CCM2: variants seen among roughly 807,000 people sequenced by gnomAD.
CCM2 encodes the protein CCM2 scaffold protein, also known as cerebral cavernous malformations 2 protein.
In CCM2, 25 loss-of-function variants were observed where a neutral mutation model predicts 44.9. The observed-to-expected ratio is 0.56, with a 90% CI of 0.41 to 0.78. The LOEUF is 0.78. CCM2 is among the 30% of genes least tolerant of loss of function. The pLI is 0.00. For missense variants in CCM2, 481 were observed against 580.6 expected (o/e 0.83, Z 1.76); for synonymous variants, 219 against 241.1 (o/e 0.91, Z 0.85).
intron 1 of CCM2, among the ~76,000 whole-genome samples, chr7:45,007,904 C>G (rs1292797775): frequency 6.6e-6 from 1 of 151,998 alleles, no homozygotes; most frequent in East Asian, 1.9e-4. Flanking sequence ...ATCTTTATGT[C>G]TATTCTATAG....
chr7:45,000,421 C>A (rs1294362957), intron 1 of CCM2, 58 bp downstream of exon 1: 1 of 210,710 alleles, frequency 4.7e-6, no homozygotes, highest in Non-Finnish European at 7.9e-6. Context: ...GGTTGAGGGG[C>A]CAGGGTGGGG....
intron 2 of CCM2, among the ~76,000 whole-genome samples, chr7:45,049,311 A>G (rs1797895352): frequency 6.6e-6 from 1 of 152,220 alleles, no homozygotes; most frequent in Admixed American, 6.5e-5. Flanking sequence ...TTCAAAATTC[A>G]AATGATAACA....
chr7:45,065,206 A>G lies in CCM2; in HGVS notation c.472+560A>G, dbSNP rs539256414. On this transcript the variant is annotated intron_variant, in intron 4 of 9. Coordinates refer to ENST00000258781, the MANE Select transcript of CCM2 (RefSeq NM_031443.4). Reference sequence around the variant, plus strand: ...CAGAATGTTATTTTTGGCTGTGGTGAGTACAGTGCTGCCTCACTGGACCCA... The same window carrying G: ...CAGAATGTTATTTTTGGCTGTGGTGGGTACAGTGCTGCCTCACTGGACCCA... Among the ~76,000 whole-genome samples, 8 of 152,304 alleles carry G rather than the reference A, an allele frequency of 5.3e-5. No homozygotes were observed. The East Asian group carries it at 1.4e-3, about 26-fold the overall frequency.
At chr7:45,044,258 C>T (rs573591658) in intron 2 of CCM2, among the ~76,000 whole-genome samples, 4 of 152,314 alleles carry the variant, frequency 2.6e-5, no homozygotes, top group African/African-American at 9.6e-5. Flanking sequence ...TTCAGCCTCC[C>T]GAGTGGCTGG....
At position 45,000,236 on chromosome 7, in the gene CCM2, AGCGCGGGG is replaced by A. The variant is rs1327040268; in HGVS notation, c.-94_-87del. 20 of 642,786 alleles carry A rather than the reference AGCGCGGGG, an allele frequency of 3.1e-5. No individual in the cohort carries two copies. Among genetic ancestry groups the A allele is most frequent in the Non-Finnish European group, 3.6e-5 (20 of 548,012 alleles). The allele number at this position is 642,786 out of a possible 1,614,324, so 39.8% of individuals were successfully genotyped here. On this transcript the variant is annotated 5_prime_UTR_variant, in exon 1 of 10. Coordinates refer to ENST00000258781, the MANE Select transcript of CCM2 (RefSeq NM_031443.4). ...GGCCCGGCTGGCGGGCGGCGCCGGG[AGCGCGGGG>A]GCGGCGGGCCCGGGTCGAGCATGTA...
intron 1 of CCM2, among the ~76,000 whole-genome samples, chr7:45,003,096 A>T (rs1053760698): frequency 6.6e-6 from 1 of 151,638 alleles, no homozygotes; most frequent in African/African-American, 2.4e-5. Flanking sequence ...TTTTTTTGAG[A>T]TAGAGTTTCG....
chr7:45,043,166 C>T (rs1797593641), intron 2 of CCM2, among the ~76,000 whole-genome samples: 1 of 151,876 alleles, frequency 6.6e-6, no homozygotes, highest in Admixed American at 6.6e-5. Context: ...GATGAGGTCT[C>T]ACTGTGTTGA....
At chr7:45,063,654 T>G (rs898924615) in intron 2 of CCM2, among the ~76,000 whole-genome samples, 2 of 152,208 alleles carry the variant, frequency 1.3e-5, no homozygotes, top group South Asian at 2.1e-4. Context: ...ACTAGTAGTT[T>G]GGGATACTCA....
chr7:45,045,907 C>T (rs1037605019), intron 2 of CCM2, among the ~76,000 whole-genome samples: 7 of 152,062 alleles, frequency 4.6e-5, no homozygotes, highest in Admixed American at 1.3e-4. Flanking sequence ...AAATGAAACA[C>T]GGGTATAAAT....
chr7:45,027,440 G>A, intron 1 of CCM2: 1 of 557,538 alleles, frequency 1.8e-6, no homozygotes. Flanking sequence ...AATGCAGGGA[G>A]GCTGCTTGTG....
intron 1 of CCM2, among the ~76,000 whole-genome samples, chr7:45,006,304 C>T (rs756362800): frequency 2.6e-5 from 4 of 151,292 alleles, no homozygotes; most frequent in Non-Finnish European, 5.9e-5. Context: ...TCCAGGACCT[C>T]AGGATGTGAC....
intron 2 of CCM2, among the ~76,000 whole-genome samples, chr7:45,049,656 C>T (rs10280691): frequency 0.13 from 20,316 of 152,118 alleles, 1,659 homozygotes; most frequent in Middle Eastern, 0.23. Context: ...TTTTACTGTA[C>T]CTATAGGATA....
intron 6 of CCM2, chr7:45,070,172 A>G: frequency 1.6e-6 from 1 of 614,416 alleles, no homozygotes; most frequent in South Asian, 2.0e-5. Context: ...GCACCAGGTC[A>G]GCGCTATGGC....
At chr7:45,033,005 A>C (rs934821494) in intron 1 of CCM2, among the ~76,000 whole-genome samples, 1 of 129,704 alleles carries the variant, frequency 7.7e-6, no homozygotes. Context: ...ATGCCATTGC[A>C]CTCCATCCAG....
At chr7:45,058,441 G>T (rs185204925) in intron 2 of CCM2, among the ~76,000 whole-genome samples, 2 of 151,394 alleles carry the variant, frequency 1.3e-5, no homozygotes, top group Non-Finnish European at 2.9e-5. Context: ...TTAGCATTAG[G>T]TATATCTTCT....
Position 45,000,260 on chromosome 7 carries a change from C to T in CCM2, c.-74C>T, listed in dbSNP as rs1228189698. On this transcript the variant is annotated 5_prime_UTR_variant, in exon 1 of 10. Transcript: ENST00000258781. The stretch of plus-strand genomic sequence containing the variant: ...GAGCGCGGGGGCGGCGGGCCCGGGT[C>T]GAGCATGTAGCGGCTGCTGGCGGCG... 5.2e-6 allele frequency: 5 copies of T among 959,872 alleles called. No individual in the cohort carries two copies. Among genetic ancestry groups the T allele is most frequent in the South Asian group, 5.0e-5 (1 of 19,976 alleles). 59.5% of individuals were successfully genotyped at this position (959,872 alleles called of 1,614,324 possible).
intron 1 of CCM2, among the ~76,000 whole-genome samples, chr7:45,001,234 A>C (rs1017922944): frequency 6.6e-6 from 1 of 152,202 alleles, no homozygotes; most frequent in African/African-American, 2.4e-5. Context: ...CCCATTTAAA[A>C]GTCCTGTTTG....
At chr7:45,046,427 C>T (rs1209980534) in intron 2 of CCM2, among the ~76,000 whole-genome samples, 2 of 151,952 alleles carry the variant, frequency 1.3e-5, no homozygotes, top group Non-Finnish European at 2.9e-5. Context: ...GCAAAATGAA[C>T]TAGAAACAGA....
chr7:45,007,426 T>C (rs555893533), intron 1 of CCM2, among the ~76,000 whole-genome samples: 6 of 152,358 alleles, frequency 3.9e-5, no homozygotes, highest in African/African-American at 1.4e-4. Flanking sequence ...TTCAAATGAT[T>C]CTACAGGTAT....
Sources: allele counts gnomAD v4.1 joint callset (sites outside exome capture counted in the v4.1 genomes callset), GRCh38; gene constraint gnomAD v4.1.1; transcripts MANE v1.5; gene names NCBI Gene and HGNC (gene_info 2026-07-23, HGNC 2026-07-21).